Variants in UMAD1 observed in about 807,000 individuals in gnomAD.
UMAD1 encodes UBAP1-MVB12-associated (UMA) domain containing 1, also known as UBAP1-MVB12-associated (UMA)-domain containing protein 1.
A neutral mutation model predicts 6.1 loss-of-function variants in UMAD1; 8 were observed. The observed-to-expected ratio is 1.30, with a 90% CI of 0.76 to 2.35. The LOEUF is 2.35. Among genes scored for constraint, UMAD1 ranks in the 30% most tolerant of loss-of-function variants. The pLI, the probability that UMAD1 is intolerant of heterozygous loss-of-function variation, is 0.00. For synonymous variants in UMAD1, 56 were observed against 31.4 expected (o/e 1.78, Z -2.61); for missense variants, 130 against 78.4 (o/e 1.66, Z -2.49).
At chr7:7,767,148 G>A (rs1390573063) in intron 2 of UMAD1, among the ~76,000 whole-genome samples, 18 of 91,526 alleles carry the variant, frequency 2.0e-4, no homozygotes, top group Non-Finnish European at 2.6e-4. Flanking sequence ...TTTTTGAGAC[G>A]GACTCTCACT....
chr7:7,712,361 G>C (rs1180692215), intron 2 of UMAD1, among the ~76,000 whole-genome samples: 2 of 151,968 alleles, frequency 1.3e-5, no homozygotes, highest in African/African-American at 4.8e-5. Flanking sequence ...CTGTCCATTT[G>C]CTTAGGTTTC....
chr7:7,668,230 C>T (rs535398845), intron 1 of UMAD1, among the ~76,000 whole-genome samples: 18 of 152,206 alleles, frequency 1.2e-4, no homozygotes, highest in East Asian at 1.9e-4. Flanking sequence ...ACTTCTTTTA[C>T]TTACACAATG....
chr7:7,822,382 A>G (rs1346088374), intron 3 of UMAD1, among the ~76,000 whole-genome samples: 3 of 152,154 alleles, frequency 2.0e-5, no homozygotes, highest in Non-Finnish European at 4.4e-5. Context: ...TTGTTCCAAA[A>G]AAAAACAACC....
At chr7:7,806,499 A>T (rs1419709246) in intron 3 of UMAD1, among the ~76,000 whole-genome samples, 1 of 152,224 alleles carries the variant, frequency 6.6e-6, no homozygotes, top group Non-Finnish European at 1.5e-5. Flanking sequence ...GACATATGTG[A>T]TGTAACATAA....
intron 3 of UMAD1, among the ~76,000 whole-genome samples, chr7:7,847,693 C>G (rs77236373): frequency 0.017 from 2,636 of 152,204 alleles, 81 homozygotes; most frequent in African/African-American, 0.06. Context: ...CATCATGACT[C>G]TTCCCGACTC....
chr7:7,789,627 C>CT (rs1484545344), intron 2 of UMAD1, among the ~76,000 whole-genome samples: 2 of 149,528 alleles, frequency 1.3e-5, no homozygotes, highest in African/African-American at 5.1e-5. Flanking sequence ...TCTCCCCTCC[C>CT]CACAGACCCT....
intron 2 of UMAD1, among the ~76,000 whole-genome samples, chr7:7,681,845 T>C (rs1779921120): frequency 6.6e-6 from 1 of 152,132 alleles, no homozygotes; most frequent in Non-Finnish European, 1.5e-5. Context: ...CTCATAGTTA[T>C]TTTAAGTTAG....
chr7:7,782,676 T>C (rs1456948621), intron 2 of UMAD1, among the ~76,000 whole-genome samples: 1 of 152,044 alleles, frequency 6.6e-6, no homozygotes, highest in Non-Finnish European at 1.5e-5. Context: ...TCCACGTTAT[T>C]GACCGTCTGT....
At chr7:7,817,924 T>A (rs116016816) in intron 3 of UMAD1, among the ~76,000 whole-genome samples, 15,319 of 152,158 alleles carry the variant, frequency 0.1, 937 homozygotes, top group East Asian at 0.33. Flanking sequence ...TGTGATCTTC[T>A]CACCTCAGCC....
intron 2 of UMAD1, among the ~76,000 whole-genome samples, chr7:7,745,763 G>A (rs1047843763): frequency 3.3e-5 from 5 of 152,172 alleles, no homozygotes; most frequent in Admixed American, 6.5e-5. Context: ...AGTCTAGTAC[G>A]ATGACAAATG....
chr7:7,680,267 C>T (rs1046856424), intron 2 of UMAD1, among the ~76,000 whole-genome samples: 1 of 152,000 alleles, frequency 6.6e-6, no homozygotes, highest in Non-Finnish European at 1.5e-5. Context: ...TATAGATATC[C>T]AGTTTTCCCA....
intron 2 of UMAD1, among the ~76,000 whole-genome samples, chr7:7,798,716 C>T (rs1432299681): frequency 1.3e-5 from 2 of 152,136 alleles, no homozygotes; most frequent in Non-Finnish European, 2.9e-5. Flanking sequence ...GCATTGGAAC[C>T]GTTCACCAGA....
Position 7,847,147 on chromosome 7 carries a change from A to G in UMAD1, c.157-30134A>G, listed in dbSNP as rs1324216957. On this transcript the variant is annotated intron_variant, in intron 3 of 3. Transcript: ENST00000682710. The stretch of plus-strand genomic sequence containing the variant: ...TATATATATATATATATATATATAT[A>G]TATATATTTGATCATAATAATTGTT... Among the ~76,000 whole-genome samples, 20 of 95,500 alleles carry G rather than the reference A, an allele frequency of 2.1e-4. 1 individual carries two copies. The highest frequency in any genetic ancestry group is 8.0e-4 in the African/African-American group (19 of 23,614). 62.7% of individuals were successfully genotyped at this position (95,500 alleles called of 152,430 possible).
chr7:7,797,777 C>T (rs1782717947), intron 2 of UMAD1, among the ~76,000 whole-genome samples: 1 of 151,986 alleles, frequency 6.6e-6, no homozygotes, highest in South Asian at 2.1e-4. Context: ...CAACCTCTGC[C>T]TCCCAGGTTC....
At chr7:7,847,095 AAAAAAAAAAATATATATATATATAT>A (rs1563255475) in intron 3 of UMAD1, among the ~76,000 whole-genome samples, 2 of 47,156 alleles carry the variant, frequency 4.2e-5, no homozygotes, top group African/African-American at 3.0e-4. Flanking sequence ...TGCAAAAAAA[AAAAAAAAAAATATATATATATATAT>A]ATATATATAT....
chr7:7,814,360 G>T (rs1783085780), intron 3 of UMAD1, among the ~76,000 whole-genome samples: 1 of 152,074 alleles, frequency 6.6e-6, no homozygotes, highest in Admixed American at 6.6e-5. Flanking sequence ...TAAATTTTGT[G>T]CCTAACTTTG....
In UMAD1 at chr7:7,878,344, C is replaced by T. The variant is rs936242116; in HGVS notation, c.*806C>T. ...ACATTTCCTTTCAACCCCTCTGCCT[C>T]CTGAAGAAAAACATCTCATGATGAT... On this transcript the variant is annotated 3_prime_UTR_variant, in exon 4 of 4. Coordinates refer to ENST00000682710, the MANE Select transcript of UMAD1 (RefSeq NM_001302348.2). The T allele has an allele frequency of 2.0e-5, 3 of 152,202 alleles. No homozygotes were observed. The highest frequency in any genetic ancestry group is 4.4e-5 in the Non-Finnish European group (3 of 68,054). The allele number at this position is 152,202 out of a possible 1,614,324, so 9.4% of individuals were successfully genotyped here. A position where few individuals can be genotyped will look rare whatever the true frequency, so the allele number is the denominator to read the frequency against.
At chr7:7,837,920 C>A (rs565555543) in intron 3 of UMAD1, among the ~76,000 whole-genome samples, 2 of 152,100 alleles carry the variant, frequency 1.3e-5, no homozygotes, top group East Asian at 3.9e-4. Flanking sequence ...AACTTTAAGG[C>A]AAAAGGTGTT....
chr7:7,698,397 G>C (rs1306431400), intron 2 of UMAD1, among the ~76,000 whole-genome samples: 1 of 152,300 alleles, frequency 6.6e-6, no homozygotes, highest in Non-Finnish European at 1.5e-5. Context: ...ACTGGTAGAA[G>C]TTTTGATTGA....
Sources: allele counts gnomAD v4.1 joint callset (sites outside exome capture counted in the v4.1 genomes callset), GRCh38; gene constraint gnomAD v4.1.1; transcripts MANE v1.5; gene names NCBI Gene and HGNC (gene_info 2026-07-23, HGNC 2026-07-21).